Variants in MAST4 observed in about 807,000 individuals in gnomAD.
MAST4 encodes microtubule-associated serine/threonine-protein kinase 4.
Under a neutral mutation model 162.7 loss-of-function variants are expected in MAST4, and 89 were observed. The observed-to-expected ratio is 0.55, with a 90% confidence interval of 0.46 to 0.65. The LOEUF (loss-of-function observed/expected upper bound fraction) is 0.65. Among genes scored for constraint, MAST4 ranks in the 30% least tolerant of loss-of-function variants. The probability of loss-of-function intolerance (pLI) is 0.00; values close to 1 mark genes in which losing one functional copy is unlikely to be tolerated. For missense variants in MAST4, 3,153 were observed against 3,374.0 expected (o/e 0.93, Z 1.62); for synonymous variants, 1,479 against 1,361.1 (o/e 1.09, Z -1.91).
intron 3 of MAST4, among the ~76,000 whole-genome samples, chr5:66,852,590 G>A (rs575973108): frequency 2.4e-4 from 36 of 152,212 alleles, no homozygotes; most frequent in African/African-American, 8.4e-4. Context: ...CTTTCTTACC[G>A]CAAAATGATT....
intron 11 of MAST4, among the ~76,000 whole-genome samples, chr5:67,112,100 G>A (rs1021924472): frequency 6.6e-6 from 1 of 151,826 alleles, no homozygotes; most frequent in Non-Finnish European, 1.5e-5. Context: ...TAATTCTCAG[G>A]TGAAATGCTG....
chr5:66,608,355 CTTTTTTTTTTT>C lies in MAST4; in HGVS notation c.363+11358_363+11368del, dbSNP rs72272071. 7.2e-4 allele frequency among the ~76,000 whole-genome samples: 32 copies of C among 44,418 alleles called. 1 individual carries two copies. The highest frequency in any genetic ancestry group is 8.4e-4 in the Non-Finnish European group (21 of 24,862). 29.1% of individuals were successfully genotyped at this position (44,418 alleles called of 152,430 possible). ...ACAGACATGAACCACTGTGCCTGGC[CTTTTTTTTTTT>C]TTTTTTTTTTTTTTTTTTTTGATGG... On this transcript the variant is annotated intron_variant, in intron 1 of 28. Coordinates refer to ENST00000403625, the MANE Select transcript of MAST4 (RefSeq NM_001164664.2).
chr5:66,953,397 A>G (rs1405027569), intron 4 of MAST4, among the ~76,000 whole-genome samples: 1 of 152,168 alleles, frequency 6.6e-6, no homozygotes, highest in Non-Finnish European at 1.5e-5. Flanking sequence ...ATGTCAGCCT[A>G]TTTAACTGTG....
chr5:66,920,582 C>A (rs1764466928), intron 4 of MAST4, among the ~76,000 whole-genome samples: 1 of 152,114 alleles, frequency 6.6e-6, no homozygotes, highest in South Asian at 2.1e-4. Context: ...CCTCCGCCTT[C>A]CAGGTTCAAG....
chr5:66,938,272 A>G (rs1742980470), intron 4 of MAST4, among the ~76,000 whole-genome samples: 1 of 152,184 alleles, frequency 6.6e-6, no homozygotes, highest in African/African-American at 2.4e-5. Context: ...AGTGTAAAAT[A>G]TGCTCCCTAG....
intron 1 of MAST4, among the ~76,000 whole-genome samples, chr5:66,638,248 GGTGGGAGTGATC>G (rs1239415833): frequency 2.0e-5 from 3 of 152,150 alleles, no homozygotes; most frequent in Non-Finnish European, 4.4e-5. Context: ...AGCCAGGAAT[GGTGGGAGTGATC>G]CCTGCTGTGT....
chr5:66,616,880 T>C (rs1326228722), intron 1 of MAST4, among the ~76,000 whole-genome samples: 1 of 152,244 alleles, frequency 6.6e-6, no homozygotes, highest in Non-Finnish European at 1.5e-5. Flanking sequence ...CACTGCTTGC[T>C]GGCAGCTCTT....
chr5:66,608,506 G>A (rs988537572), intron 1 of MAST4, among the ~76,000 whole-genome samples: 1 of 151,590 alleles, frequency 6.6e-6, no homozygotes, highest in Non-Finnish European at 1.5e-5. Context: ...CGACTTATAT[G>A]TTCTGCTTTA....
intron 1 of MAST4, among the ~76,000 whole-genome samples, chr5:66,675,346 A>G (rs1175182901): frequency 6.6e-6 from 1 of 152,202 alleles, no homozygotes; most frequent in Non-Finnish European, 1.5e-5. Flanking sequence ...GCAAACCTTC[A>G]CTGCAGTAGT....
At chr5:66,670,658 AT>A (rs1747547631) in intron 1 of MAST4, among the ~76,000 whole-genome samples, 1 of 151,952 alleles carries the variant, frequency 6.6e-6, no homozygotes, top group African/African-American at 2.4e-5. Context: ...CACTAGAACT[AT>A]TTTGCACTGA....
chr5:66,606,659 A>C (rs1470526830), intron 1 of MAST4, among the ~76,000 whole-genome samples: 2 of 152,132 alleles, frequency 1.3e-5, no homozygotes, highest in Non-Finnish European at 2.9e-5. Flanking sequence ...CATATTGCCT[A>C]TTTTCTATAA....
At chr5:66,949,772 T>G (rs181638925) in intron 4 of MAST4, among the ~76,000 whole-genome samples, 2 of 152,326 alleles carry the variant, frequency 1.3e-5, no homozygotes, top group African/African-American at 4.8e-5. Context: ...TAATTTACTT[T>G]TAATTTTCTA....
chr5:66,888,461 A>G (rs1243483251), intron 3 of MAST4, among the ~76,000 whole-genome samples: 3 of 152,196 alleles, frequency 2.0e-5, no homozygotes, highest in African/African-American at 7.2e-5. Context: ...GTCTGTAGTA[A>G]ATAAAAATGA....
In MAST4 at chr5:67,165,242, C is replaced by A; in HGVS notation, c.6063C>A (p.Thr2021=). 1 of 1,612,762 alleles carries A rather than the reference C, an allele frequency of 6.2e-7. No homozygotes were observed. Among genetic ancestry groups the A allele is most frequent in the Non-Finnish European group, 8.5e-7 (1 of 1,179,610 alleles). Residue 2021 remains threonine (T), a synonymous_variant, in exon 29 of 29, where the codon ACC becomes ACA. Coordinates refer to ENST00000403625, the MANE Select transcript of MAST4 (RefSeq NM_001164664.2). ...AAAATCTCCTCTCTGTGGGAAGGAC[C>A]CACCCAGATTTCTATACACAGACCC... ...NSKNLLSVGR[T]HPDFYTQTQA...
intron 3 of MAST4, among the ~76,000 whole-genome samples, chr5:66,792,858 G>A (rs1218809778): frequency 6.6e-6 from 1 of 152,210 alleles, no homozygotes; most frequent in Non-Finnish European, 1.5e-5. Flanking sequence ...AAGTTGAAGT[G>A]ATGTGTGTGT....
chr5:66,793,588 G>C (rs1020373659), intron 3 of MAST4, among the ~76,000 whole-genome samples: 3 of 152,180 alleles, frequency 2.0e-5, no homozygotes, highest in African/African-American at 7.2e-5. Context: ...GATGATGGAA[G>C]TTTAAAATGG....
At chr5:67,043,269 T>C (rs1303574732) in intron 4 of MAST4, among the ~76,000 whole-genome samples, 1 of 152,238 alleles carries the variant, frequency 6.6e-6, no homozygotes, top group Admixed American at 6.5e-5. Flanking sequence ...AATTTCTGTA[T>C]AGAGAAGGCT....
chr5:66,995,537 G>A (rs1750530093), intron 4 of MAST4, among the ~76,000 whole-genome samples: 1 of 152,010 alleles, frequency 6.6e-6, no homozygotes, highest in Admixed American at 6.6e-5. Context: ...CAAGTAGCTG[G>A]GACTATCGGC....
At chr5:66,865,086 T>C (rs960079241) in intron 3 of MAST4, among the ~76,000 whole-genome samples, 4 of 152,232 alleles carry the variant, frequency 2.6e-5, no homozygotes, top group African/African-American at 4.8e-5. Context: ...CCTGAGTCAT[T>C]AGAGCCACTG....
Sources: allele counts gnomAD v4.1 joint callset (sites outside exome capture counted in the v4.1 genomes callset), GRCh38; gene constraint gnomAD v4.1.1; transcripts MANE v1.5; gene names NCBI Gene and HGNC (gene_info 2026-07-23, HGNC 2026-07-21).